The following NUP107 variants were observed in gnomAD, a reference collection of about 807,000 sequenced individuals.
NUP107 encodes the protein nucleoporin 107, also known as nuclear pore complex protein Nup107.
In NUP107, 101 loss-of-function variants were observed where a neutral mutation model predicts 141.0. The ratio of observed to expected loss-of-function variants is 0.72; its 90% CI spans 0.61 to 0.84. The LOEUF (loss-of-function observed/expected upper bound fraction) is 0.84, where lower values mean the gene tolerates loss of function less well. NUP107 is among the 40% of genes least tolerant of loss of function. The pLI is 0.00. For missense variants in NUP107, 941 were observed against 1,102.7 expected, an observed-to-expected ratio of 0.85 and a Z score of 2.08; for synonymous variants, 319 against 363.9, an observed-to-expected ratio of 0.88 and a Z score of 1.41.
intron 1 of NUP107, chr12:68,687,638 G>C: frequency 4.1e-6 from 4 of 985,644 alleles, no homozygotes; most frequent in Non-Finnish European, 4.8e-6. Context: ...GTAACTATCA[G>C]GAAGACCCCT....
chr12:68,687,149 A>G, intron 1 of NUP107, 76 bp downstream of exon 1: 1 of 1,596,762 alleles, frequency 6.3e-7, no homozygotes, highest in Non-Finnish European at 8.6e-7. Flanking sequence ...AGGTGAAACT[A>G]GACTCCCAGA....
chr12:68,692,835 C>T lies in NUP107; in HGVS notation c.448+723C>T, dbSNP rs575484049. On this transcript the variant is annotated intron_variant, in intron 5 of 27. Coordinates refer to ENST00000229179, the MANE Select transcript of NUP107 (RefSeq NM_020401.4). Reference sequence around the variant, plus strand: ...TGGGATCTTGGTTCACTGCAACCTCCGCCTCCCAGGTTTAAATGATTCTCC... The same window carrying T: ...TGGGATCTTGGTTCACTGCAACCTCTGCCTCCCAGGTTTAAATGATTCTCC... Among the ~76,000 whole-genome samples the T allele has an allele frequency of 3.3e-5, 5 of 150,990 alleles. No individual in the cohort carries two copies. In the East Asian group the frequency reaches 7.9e-4, roughly 24 times the overall value.
chr12:68,695,364 G>C (rs1251350794), intron 5 of NUP107, among the ~76,000 whole-genome samples: 1 of 152,176 alleles, frequency 6.6e-6, no homozygotes, highest in Non-Finnish European at 1.5e-5. Context: ...GTAGAAGCAA[G>C]CCAAGTACCT....
chr12:68,727,243 G>A (rs537179820), intron 19 of NUP107, 108 bp from the exon 20 acceptor site: 13 of 581,268 alleles, frequency 2.2e-5, no homozygotes, highest in African/African-American at 2.1e-4. Flanking sequence ...ACTGCTCAGT[G>A]GTAAACATTA....
chr12:68,732,598 C>T, intron 22 of NUP107, 39 bp from the exon 23 acceptor site: 1 of 1,287,074 alleles, frequency 7.8e-7, no homozygotes, highest in Non-Finnish European at 1.1e-6. Context: ...AAAAAAAACT[C>T]TGATATTCCT....
At chr12:68,714,452 A>G (rs770417445) in intron 11 of NUP107, 5 of 152,338 alleles carry the variant, frequency 3.3e-5, no homozygotes, top group Non-Finnish European at 5.9e-5. Flanking sequence ...AAATCGTTTA[A>G]TCTTACCAGC....
At chr12:68,704,709 C>T (rs12316493) in intron 8 of NUP107, among the ~76,000 whole-genome samples, 6,466 of 151,852 alleles carry the variant, frequency 0.043, 484 homozygotes, top group African/African-American at 0.15. Context: ...CCTGTTTTGG[C>T]CTCCCAAAGT....
chr12:68,689,704 A>G, intron 3 of NUP107, 85 bp downstream of exon 3: 1 of 870,822 alleles, frequency 1.1e-6, no homozygotes. Flanking sequence ...TTAGTATAGT[A>G]TTTGGTTACG....
At chr12:68,687,281 C>A (rs1296343798) in intron 1 of NUP107, 16 of 696,720 alleles carry the variant, frequency 2.3e-5, no homozygotes, top group Non-Finnish European at 3.4e-5. Flanking sequence ...CATAATAGTC[C>A]CTTACTTTCC....
chr12:68,722,312 A>T (rs975518093), intron 17 of NUP107, among the ~76,000 whole-genome samples, 160 bp downstream of exon 17: 5 of 152,188 alleles, frequency 3.3e-5, no homozygotes, highest in Non-Finnish European at 7.4e-5. Context: ...TACATAAATG[A>T]TACATCATTT....
At position 68,731,703 on chromosome 12, in the gene NUP107, ATACTGGCAC is replaced by A. The variant is rs1297043182; in HGVS notation, c.1988_1996del (p.Gly663_Thr665del). 2.6e-6 allele frequency: 4 copies of A among 1,561,280 alleles called. No homozygotes were observed. Among genetic ancestry groups the A allele is most frequent in the Non-Finnish European group, 3.5e-6 (4 of 1,158,980 alleles). On this transcript the variant is annotated inframe_deletion, in exon 22 of 28. Transcript: ENST00000229179. ...CATCATGACCTGGCCCCAGCCCTAG[ATACTGGCAC>A]TACTGAGGTAATTTGGGATGGGGGG...
chr12:68,694,187 A>ATTT, intron 5 of NUP107, among the ~76,000 whole-genome samples: 1 of 152,332 alleles, frequency 6.6e-6, no homozygotes, highest in East Asian at 1.9e-4. Context: ...ACTCGTATTA[A>ATTT]GTGACTCAAA....
At chr12:68,696,140 C>A (rs961217073) in intron 5 of NUP107, among the ~76,000 whole-genome samples, 23 of 151,096 alleles carry the variant, frequency 1.5e-4, no homozygotes, top group African/African-American at 4.6e-4. Flanking sequence ...CCAAGGTGGG[C>A]GGATCATGAG....
intron 14 of NUP107, 29 bp from the exon 15 acceptor site, chr12:68,721,089 C>G: frequency 6.9e-7 from 1 of 1,450,988 alleles, no homozygotes; most frequent in Non-Finnish European, 9.6e-7. Flanking sequence ...AACAATATTT[C>G]AAATTTGTTT....
At chr12:68,717,832 C>T (rs537040486) in intron 12 of NUP107, among the ~76,000 whole-genome samples, 29 of 152,232 alleles carry the variant, frequency 1.9e-4, no homozygotes, top group African/African-American at 6.7e-4. Flanking sequence ...GATACCATAT[C>T]AAAATAGTTT....
intron 20 of NUP107, among the ~76,000 whole-genome samples, chr12:68,728,704 C>T (rs1253130975): frequency 6.6e-6 from 1 of 150,396 alleles, no homozygotes; most frequent in African/African-American, 2.4e-5. Context: ...ACCACGACAC[C>T]CGGCCTGGAC....
chr12:68,725,796 G>T lies in NUP107; in HGVS notation c.1576G>T (p.Gly526Cys). ...GTTTCTTATCCTGGGAGACATTGAT[G>T]GTAAGATATGGTTTTATTTTACTTT... ...QKFLILGDID[G>C]LMDEFSKWLS... is the part of the protein sequence containing the mutation. The change falls in exon 18 of 28, where the codon GGT (glycine) becomes TGT (cysteine). Residue 526 changes from glycine to cysteine, a missense_variant and splice_region_variant. By Grantham distance (159) the Gly-to-Cys change is radical (BLOSUM62 -3). Transcript: ENST00000229179. 1 of 1,372,714 alleles carries T rather than the reference G, an allele frequency of 7.3e-7. No individual in the cohort carries two copies. Among genetic ancestry groups the T allele is most frequent in the Non-Finnish European group, 1.0e-6 (1 of 986,656 alleles). The allele number at this position is 1,372,714 out of a possible 1,614,324, so 85.0% of individuals were successfully genotyped here.
At position 68,734,609 on chromosome 12, in the gene NUP107, A is replaced by G. The variant is rs1037397225; in HGVS notation, c.2263-99A>G. The G allele has an allele frequency of 1.2e-5, 12 of 969,192 alleles. No individual in the cohort carries two copies. In the African/African-American group the frequency reaches 1.5e-4, roughly 12 times the overall value. 60.0% of individuals were successfully genotyped at this position (969,192 alleles called of 1,614,324 possible). A position where few individuals can be genotyped will look rare whatever the true frequency, so the allele number is the denominator to read the frequency against. On this transcript the variant is annotated intron_variant, in intron 24 of 27. Coordinates refer to ENST00000229179, the MANE Select transcript of NUP107 (RefSeq NM_020401.4). ...AACAGTTTTATTTCTTGATGCTGCA[A>G]AATTATTTCTAAGAATCAAATGTTA...
At chr12:68,732,414 G>T (rs750435175) in intron 22 of NUP107, among the ~76,000 whole-genome samples, 1 of 152,166 alleles carries the variant, frequency 6.6e-6, no homozygotes, top group Non-Finnish European at 1.5e-5. Flanking sequence ...GGGATTACGG[G>T]TGTGAGCCAG....
Sources: allele counts gnomAD v4.1 joint callset (sites outside exome capture counted in the v4.1 genomes callset), GRCh38; gene constraint gnomAD v4.1.1; transcripts MANE v1.5; gene names NCBI Gene and HGNC (gene_info 2026-07-23, HGNC 2026-07-21).